The following CSMD1 variants were observed in gnomAD, a reference collection of about 807,000 sequenced individuals.
CSMD1 encodes the protein CUB and sushi domain-containing protein 1.
A neutral mutation model predicts 417.5 loss-of-function variants in CSMD1; 213 were observed. The observed-to-expected ratio is 0.51, with a 90% confidence interval of 0.46 to 0.57. The LOEUF is 0.57. CSMD1 is among the 20% of genes least tolerant of loss of function. The pLI is 0.00. For missense variants in CSMD1, 6,923 were observed against 4,529.7 expected (o/e 1.53, Z -15.17); for synonymous variants, 2,862 against 1,736.8 (o/e 1.65, Z -16.11).
intron 2 of CSMD1, among the ~76,000 whole-genome samples, chr8:4,454,448 C>T (rs1464711545): frequency 6.6e-6 from 1 of 152,172 alleles, no homozygotes; most frequent in Admixed American, 6.5e-5. Context: ...CTGGCTACAC[C>T]GCCGTTTGAG....
intron 2 of CSMD1, among the ~76,000 whole-genome samples, chr8:4,445,154 T>C (rs115395315): frequency 0.025 from 3,864 of 152,348 alleles, 168 homozygotes; most frequent in African/African-American, 0.087. Context: ...GATTGGGTGA[T>C]GGCACTAGAA....
At chr8:4,731,854 G>A (rs553737092) in intron 1 of CSMD1, among the ~76,000 whole-genome samples, 7 of 152,162 alleles carry the variant, frequency 4.6e-5, no homozygotes, top group Admixed American at 3.3e-4. Flanking sequence ...CTTCTCACAT[G>A]GGCTTTAGTA....
chr8:3,796,709 T>A (rs1420406644), intron 5 of CSMD1, among the ~76,000 whole-genome samples: 1 of 150,730 alleles, frequency 6.6e-6, no homozygotes, highest in Non-Finnish European at 1.5e-5. Context: ...TGAGAATGGG[T>A]AGGAAACAAT....
chr8:3,269,089 C>A (rs1801647877), intron 26 of CSMD1, among the ~76,000 whole-genome samples: 2 of 152,332 alleles, frequency 1.3e-5, no homozygotes, highest in South Asian at 2.1e-4. Context: ...ATCCTGTCAT[C>A]CCCCAGTATA....
At chr8:3,436,552 A>C (rs1183496388) in intron 12 of CSMD1, among the ~76,000 whole-genome samples, 1 of 152,070 alleles carries the variant, frequency 6.6e-6, no homozygotes, top group Non-Finnish European at 1.5e-5. Flanking sequence ...TCATTGTTTC[A>C]TTTTCTTTTC....
intron 54 of CSMD1, among the ~76,000 whole-genome samples, chr8:2,985,367 C>T (rs7832051): frequency 8.3e-6 from 1 of 120,220 alleles, no homozygotes; most frequent in Non-Finnish European, 1.6e-5. Flanking sequence ...CCACGTGAGG[C>T]AGGAGACTGT....
intron 27 of CSMD1, among the ~76,000 whole-genome samples, chr8:3,225,796 C>G (rs551017556): frequency 5.9e-5 from 9 of 152,318 alleles, no homozygotes; most frequent in East Asian, 1.9e-4. Context: ...TGTTTGTTCT[C>G]TCTTTTGGTC....
In CSMD1 at chr8:3,230,036, A is replaced by G. The variant is rs780185484; in HGVS notation, c.4345+4T>C. The G allele has an allele frequency of 1.9e-6, 3 of 1,572,044 alleles. No homozygotes were observed. Among genetic ancestry groups the G allele is most frequent in the Non-Finnish European group, 1.7e-6 (2 of 1,157,418 alleles). On this transcript the variant is annotated splice_donor_region_variant and intron_variant, in intron 27 of 69. Transcript: ENST00000635120. ...TAAAATTTCTAAGTTCTGTTGTCTG[A>G]TACCTATGCATGTAGGAGGGTCTGG...
At chr8:3,744,506 TA>T (rs1796971283) in intron 6 of CSMD1, among the ~76,000 whole-genome samples, 1 of 152,100 alleles carries the variant, frequency 6.6e-6, no homozygotes, top group Non-Finnish European at 1.5e-5. Flanking sequence ...AATAAATAAA[TA>T]AATAAATAAA....
chr8:3,551,229 A>C (rs1043173607), intron 10 of CSMD1, among the ~76,000 whole-genome samples: 1 of 152,230 alleles, frequency 6.6e-6, no homozygotes, highest in African/African-American at 2.4e-5. Context: ...TTTCTAAAGC[A>C]TGTAAATTTC....
chr8:3,040,532 C>T (rs1018708281), intron 50 of CSMD1, among the ~76,000 whole-genome samples: 1 of 151,454 alleles, frequency 6.6e-6, no homozygotes, highest in Non-Finnish European at 1.5e-5. Flanking sequence ...GGGCCGGGCA[C>T]GGTGGCTCAT....
intron 5 of CSMD1, among the ~76,000 whole-genome samples, chr8:3,832,004 A>G (rs1311740256): frequency 6.6e-6 from 1 of 152,098 alleles, no homozygotes; most frequent in African/African-American, 2.4e-5. Flanking sequence ...TTTTTTGGTA[A>G]ATTTTTAAAA....
At chr8:4,196,468 C>A (rs1019274070) in intron 3 of CSMD1, among the ~76,000 whole-genome samples, 1 of 152,072 alleles carries the variant, frequency 6.6e-6, no homozygotes, top group African/African-American at 2.4e-5. Context: ...TGTCCAATGC[C>A]GATTCAGGTG....
At chr8:3,391,632 A>G (rs1811356007) in intron 17 of CSMD1, among the ~76,000 whole-genome samples, 1 of 152,192 alleles carries the variant, frequency 6.6e-6, no homozygotes, top group Non-Finnish European at 1.5e-5. Flanking sequence ...TTGCTTTTAC[A>G]AAAGCCTCAA....
chr8:3,713,046 A>G (rs1801618843), intron 6 of CSMD1, among the ~76,000 whole-genome samples: 1 of 152,226 alleles, frequency 6.6e-6, no homozygotes, highest in Admixed American at 6.5e-5. Flanking sequence ...AAAATTCCCC[A>G]AAAGCAACAA....
intron 5 of CSMD1, among the ~76,000 whole-genome samples, chr8:3,920,373 GTT>G (rs1809155593): frequency 6.6e-6 from 1 of 151,876 alleles, no homozygotes; most frequent in Non-Finnish European, 1.5e-5. Flanking sequence ...GTGTGTGTGT[GTT>G]TATGTGTGTG....
At chr8:4,945,633 AG>A (rs1412817230) in intron 1 of CSMD1, among the ~76,000 whole-genome samples, 6 of 152,172 alleles carry the variant, frequency 3.9e-5, no homozygotes, top group Admixed American at 3.9e-4. Context: ...AAGGTGATAA[AG>A]TTTGAATATT....
rs917585144 is a variant in CSMD1, at chr8:4,201,898, G to GT, written c.416-169800_416-169799insA. Among the ~76,000 whole-genome samples, 102 of 146,138 alleles carry GT rather than the reference G, an allele frequency of 7.0e-4. 1 individual carries two copies. Among genetic ancestry groups the GT allele is most frequent in the African/African-American group, 2.4e-3 (92 of 38,444 alleles). ...ATACATGGAAATTTTGGGGGGGGGG[G>GT]GCGCTGCATTCATTTGCCATGCTCA... On this transcript the variant is annotated intron_variant, in intron 3 of 69. Coordinates refer to ENST00000635120, the MANE Select transcript of CSMD1 (RefSeq NM_033225.6).
chr8:4,466,488 G>C (rs184270303), intron 2 of CSMD1, among the ~76,000 whole-genome samples: 1 of 151,988 alleles, frequency 6.6e-6, no homozygotes, highest in Non-Finnish European at 1.5e-5. Flanking sequence ...CCTATATATT[G>C]AACAAATGTT....
Sources: allele counts gnomAD v4.1 joint callset (sites outside exome capture counted in the v4.1 genomes callset), GRCh38; gene constraint gnomAD v4.1.1; transcripts MANE v1.5; gene names NCBI Gene and HGNC (gene_info 2026-07-23, HGNC 2026-07-21).